TYW1: variants seen among roughly 807,000 people sequenced by gnomAD.
TYW1 encodes the protein tRNA-yW synthesizing protein 1 homolog, also known as S-adenosyl-L-methionine-dependent tRNA 4-demethylwyosine synthase TYW1.
TYW1 carries 46 observed loss-of-function variants against 96.2 expected under a neutral mutation model. That is an observed-to-expected ratio of 0.48 (90% CI 0.38 to 0.61). The LOEUF (loss-of-function observed/expected upper bound fraction) is 0.61. Ranked by LOEUF, TYW1 falls within the 20% of genes least tolerant of loss-of-function variation. The pLI, the probability that TYW1 is intolerant of heterozygous loss-of-function variation, is 0.00. For synonymous variants in TYW1, 274 were observed against 323.0 expected (o/e 0.85, Z 1.63); for missense variants, 684 against 909.6 (o/e 0.75, Z 3.19).
In TYW1 at chr7:67,059,106, T is replaced by TG. The variant is rs1795617331; in HGVS notation, c.1155+3219_1155+3220insG. ...GTCAATGAAGACAAAGTTTTTTTTT[T>TG]TTTTTTTTTTTGAGACAGGGTCTCG... is the stretch of plus-strand genomic sequence containing the variant. On this transcript the variant is annotated intron_variant, in intron 9 of 15. Transcript: ENST00000359626. 3.3e-5 allele frequency among the ~76,000 whole-genome samples: 5 copies of TG among 150,050 alleles called. No homozygotes were observed. The South Asian group carries it at 1.1e-3, about 32-fold the overall frequency.
chr7:67,181,330 G>T (rs1197758244), intron 13 of TYW1, among the ~76,000 whole-genome samples: 1 of 146,756 alleles, frequency 6.8e-6, no homozygotes, highest in African/African-American at 2.6e-5. Context: ...ATTTTTGTTA[G>T]CTTTTGGCAT....
chr7:67,150,005 A>G (rs1798748233), intron 13 of TYW1, among the ~76,000 whole-genome samples: 1 of 151,790 alleles, frequency 6.6e-6, no homozygotes, highest in Non-Finnish European at 1.5e-5. Flanking sequence ...CTGGCTTATG[A>G]AAGCAAATTA....
chr7:67,124,966 T>G (rs1004187790), intron 13 of TYW1, among the ~76,000 whole-genome samples: 5 of 152,156 alleles, frequency 3.3e-5, no homozygotes, highest in African/African-American at 1.2e-4. Context: ...CCCAAGTAGC[T>G]GGAATTATAG....
At chr7:67,117,652 A>G in intron 13 of TYW1, 34 bp downstream of exon 13, 5 of 1,589,234 alleles carry the variant, frequency 3.1e-6, no homozygotes, top group Non-Finnish European at 4.3e-6. Context: ...ATAAATAAAC[A>G]ACCCTCAGGT....
chr7:67,137,556 C>T (rs1798305306), intron 13 of TYW1, among the ~76,000 whole-genome samples: 1 of 152,132 alleles, frequency 6.6e-6, no homozygotes, highest in South Asian at 2.1e-4. Flanking sequence ...TTCCATTGGG[C>T]AAAATGCTTT....
intron 14 of TYW1, among the ~76,000 whole-genome samples, chr7:67,189,036 C>G (rs1354540782): frequency 6.6e-6 from 1 of 152,116 alleles, no homozygotes; most frequent in Non-Finnish European, 1.5e-5. Flanking sequence ...ATGTATCACC[C>G]CATTCAACTT....
chr7:67,174,235 TA>T (rs1366277512), intron 13 of TYW1, among the ~76,000 whole-genome samples: 1 of 152,182 alleles, frequency 6.6e-6, no homozygotes, highest in African/African-American at 2.4e-5. Context: ...ACAAAAGTTT[TA>T]CTCATTTACT....
At chr7:67,099,189 C>T (rs547085199) in intron 12 of TYW1, among the ~76,000 whole-genome samples, 1 of 152,060 alleles carries the variant, frequency 6.6e-6, no homozygotes, top group South Asian at 2.1e-4. Flanking sequence ...CCATGCCCAG[C>T]TAATTTTTTT....
intron 12 of TYW1, among the ~76,000 whole-genome samples, chr7:67,109,712 C>T (rs1457861304): frequency 2.0e-5 from 3 of 151,944 alleles, no homozygotes; most frequent in Admixed American, 2.0e-4. Flanking sequence ...GAAACCCTGT[C>T]TCAACTGAAA....
intron 13 of TYW1, among the ~76,000 whole-genome samples, chr7:67,172,039 T>G (rs1799529215): frequency 1.3e-5 from 2 of 152,190 alleles, no homozygotes; most frequent in South Asian, 4.1e-4. Context: ...TCTTTTTGAG[T>G]GTTTATAGTT....
At chr7:67,004,244 C>T (rs1042637907) in intron 3 of TYW1, among the ~76,000 whole-genome samples, 6 of 152,020 alleles carry the variant, frequency 3.9e-5, no homozygotes, top group Non-Finnish European at 7.4e-5. Context: ...GTTGTTTGTT[C>T]CCCCAAAACT....
intron 9 of TYW1, among the ~76,000 whole-genome samples, chr7:67,066,839 C>A (rs1379625129): frequency 2.0e-5 from 3 of 152,180 alleles, no homozygotes; most frequent in African/African-American, 4.8e-5. Context: ...CAGAGCAAGA[C>A]CCTGTCTCAA....
chr7:67,197,614 C>T (rs1800443049), intron 15 of TYW1, among the ~76,000 whole-genome samples: 1 of 152,184 alleles, frequency 6.6e-6, no homozygotes, highest in African/African-American at 2.4e-5. Context: ...GCATGGGCCA[C>T]CATGCCCAGT....
chr7:67,127,176 C>CT (rs1554370862), intron 13 of TYW1, among the ~76,000 whole-genome samples: 2 of 103,922 alleles, frequency 1.9e-5, no homozygotes, highest in South Asian at 6.2e-4. Flanking sequence ...TTTTTTTTTT[C>CT]GAGATCGAGT....
intron 7 of TYW1, among the ~76,000 whole-genome samples, chr7:67,028,417 C>T (rs1384956616): frequency 2.6e-5 from 4 of 152,132 alleles, no homozygotes; most frequent in Admixed American, 6.6e-5. Flanking sequence ...TGTGGTGGCG[C>T]ATGCCTGTAA....
At chr7:67,109,161 C>A in intron 12 of TYW1, among the ~76,000 whole-genome samples, 1 of 150,690 alleles carries the variant, frequency 6.6e-6, no homozygotes, top group Non-Finnish European at 1.5e-5. Context: ...GTAGTCCCAG[C>A]TACTCGGGAG....
At chr7:67,170,476 C>G (rs1028536780) in intron 13 of TYW1, among the ~76,000 whole-genome samples, 1 of 152,196 alleles carries the variant, frequency 6.6e-6, no homozygotes, top group African/African-American at 2.4e-5. Flanking sequence ...GCAGCTGGAA[C>G]TTTAACAGGG....
intron 13 of TYW1, among the ~76,000 whole-genome samples, chr7:67,133,407 T>C (rs552247162): frequency 1.3e-5 from 2 of 152,210 alleles, no homozygotes; most frequent in East Asian, 3.9e-4. Flanking sequence ...CTTTCAAAAG[T>C]GCTGGGATTG....
intron 11 of TYW1, among the ~76,000 whole-genome samples, chr7:67,098,079 A>C (rs1000676473): frequency 6.6e-6 from 1 of 152,164 alleles, no homozygotes; most frequent in Non-Finnish European, 1.5e-5. Flanking sequence ...ATGAAGCCAA[A>C]GATAAGAACG....
Sources: allele counts gnomAD v4.1 joint callset (sites outside exome capture counted in the v4.1 genomes callset), GRCh38; gene constraint gnomAD v4.1.1; transcripts MANE v1.5; gene names NCBI Gene and HGNC (gene_info 2026-07-23, HGNC 2026-07-21).